The following CENPP variants were observed in gnomAD, a reference collection of about 807,000 sequenced individuals.
CENPP encodes the protein centromere protein P.
CENPP carries 24 observed loss-of-function variants against 35.6 expected under a neutral mutation model. The ratio of observed to expected loss-of-function variants is 0.67; its 90% confidence interval spans 0.49 to 0.95. The LOEUF (loss-of-function observed/expected upper bound fraction) is 0.95. CENPP is among the 40% of genes least tolerant of loss of function. The pLI, the probability that CENPP is intolerant of heterozygous loss-of-function variation, is 0.00. For synonymous variants in CENPP, 120 were observed against 125.5 expected (o/e 0.96, Z 0.29); for missense variants, 332 against 345.3 (o/e 0.96, Z 0.31).
Position 92,619,875 on chromosome 9 carries a change from G to T in CENPP, c.*6726G>T. The T allele has an allele frequency of 2.6e-6, 1 of 390,974 alleles. No homozygotes were observed. The highest frequency in any genetic ancestry group is 3.4e-5 in the South Asian group (1 of 29,824). 24.2% of individuals were successfully genotyped at this position (390,974 alleles called of 1,614,324 possible). A position where few individuals can be genotyped will look rare whatever the true frequency, so the allele number is the denominator to read the frequency against. Reference sequence around the variant, plus strand: ...TGTCTTCAGCAAGGTCACCACAGTCGGCCTTTGGAAGGAAAAGCAGTAAGC... The same window carrying T: ...TGTCTTCAGCAAGGTCACCACAGTCTGCCTTTGGAAGGAAAAGCAGTAAGC... On this transcript the variant is annotated 3_prime_UTR_variant, in exon 8 of 8. Coordinates refer to ENST00000375587, the MANE Select transcript of CENPP (RefSeq NM_001012267.3).
intron 5 of CENPP, chr9:92,389,620 A>C (rs1423568114): frequency 8.7e-6 from 3 of 343,390 alleles, no homozygotes; most frequent in Middle Eastern, 8.3e-4. Context: ...AAAAAATGAG[A>C]AACAAAATAG....
At chr9:92,534,078 ACT>A (rs778858633) in intron 5 of CENPP, among the ~76,000 whole-genome samples, 6 of 151,822 alleles carry the variant, frequency 4.0e-5, no homozygotes, top group Non-Finnish European at 8.8e-5. Context: ...AGCTCTCTTC[ACT>A]CTGTTTTCTC....
intron 5 of CENPP, among the ~76,000 whole-genome samples, chr9:92,566,351 A>G (rs1849968089): frequency 6.6e-6 from 1 of 152,104 alleles, no homozygotes; most frequent in Middle Eastern, 3.4e-3. Flanking sequence ...ATAAAAATAT[A>G]GCCTTTCAAA....
intron 5 of CENPP, among the ~76,000 whole-genome samples, chr9:92,481,051 TA>T (rs1414414097): frequency 6.6e-6 from 1 of 152,208 alleles, no homozygotes; most frequent in Non-Finnish European, 1.5e-5. Context: ...TGCCCTTCAT[TA>T]ATTTCTCCAC....
chr9:92,411,384 T>C (rs1843440447), intron 5 of CENPP, among the ~76,000 whole-genome samples: 1 of 152,190 alleles, frequency 6.6e-6, no homozygotes, highest in Non-Finnish European at 1.5e-5. Flanking sequence ...AATGTCCACT[T>C]GCTAGGCTCA....
At chr9:92,546,768 T>C (rs1362736433) in intron 5 of CENPP, among the ~76,000 whole-genome samples, 1 of 152,212 alleles carries the variant, frequency 6.6e-6, no homozygotes, top group African/African-American at 2.4e-5. Flanking sequence ...AGTAAATTGA[T>C]ATATTTAGAT....
chr9:92,572,253 T>C (rs1386243477), intron 5 of CENPP, among the ~76,000 whole-genome samples: 2 of 152,192 alleles, frequency 1.3e-5, no homozygotes, highest in Non-Finnish European at 2.9e-5. Context: ...CATTTAGTGC[T>C]TCCTTCAGGA....
chr9:92,518,641 A>T (rs988607634), intron 5 of CENPP, among the ~76,000 whole-genome samples: 1 of 152,186 alleles, frequency 6.6e-6, no homozygotes. Flanking sequence ...TCATGCCTGT[A>T]ATCCCAGCAC....
chr9:92,567,335 C>T (rs1035898816), intron 5 of CENPP, among the ~76,000 whole-genome samples: 5 of 135,722 alleles, frequency 3.7e-5, no homozygotes, highest in Non-Finnish European at 6.5e-5. Flanking sequence ...TTTAAATTGA[C>T]AATTATACAT....
intron 5 of CENPP, among the ~76,000 whole-genome samples, chr9:92,483,924 C>T (rs1034792601): frequency 2.6e-5 from 4 of 152,182 alleles, no homozygotes; most frequent in African/African-American, 4.8e-5. Context: ...TAGGGAATGA[C>T]GGCCCTCCTG....
chr9:92,422,883 A>G (rs1018410123), intron 5 of CENPP, among the ~76,000 whole-genome samples: 3 of 152,174 alleles, frequency 2.0e-5, no homozygotes, highest in African/African-American at 7.2e-5. Context: ...TTCATACTCT[A>G]CAATGTATGC....
chr9:92,435,529 A>G (rs1844226335), intron 5 of CENPP, among the ~76,000 whole-genome samples: 1 of 152,182 alleles, frequency 6.6e-6, no homozygotes, highest in African/African-American at 2.4e-5. Flanking sequence ...TCCCTGCAAG[A>G]GTTTCACATG....
chr9:92,441,413 G>T (rs1431333864), intron 5 of CENPP, among the ~76,000 whole-genome samples: 2 of 152,050 alleles, frequency 1.3e-5, no homozygotes, highest in African/African-American at 4.8e-5. Flanking sequence ...CAAATAAAAT[G>T]TAAGGAAGAA....
At chr9:92,451,684 T>G (rs202202837) in intron 5 of CENPP, among the ~76,000 whole-genome samples, 1 of 151,048 alleles carries the variant, frequency 6.6e-6, no homozygotes, top group Non-Finnish European at 1.5e-5. Context: ...TAAATTACCT[T>G]GGGCAGTATG....
rs537869307 is a variant in CENPP at position 92,607,313 on chromosome 9, A to G, written c.565-4001A>G. Among the ~76,000 whole-genome samples, 101 of 152,312 alleles carry G rather than the reference A, an allele frequency of 6.6e-4. 2 individuals are homozygous for G. The highest frequency in any genetic ancestry group is 3.4e-3 in the Middle Eastern group (1 of 294). On this transcript the variant is annotated intron_variant, in intron 5 of 7. Transcript: ENST00000375587. ...TGTAACCTCACTGATGTCATCTCTCAATAGACCAGAGTGTCTTTCAAAACA... is the reference window on the plus strand; with the variant it reads ...TGTAACCTCACTGATGTCATCTCTCGATAGACCAGAGTGTCTTTCAAAACA...
chr9:92,501,280 T>C (rs1846656897), intron 5 of CENPP, among the ~76,000 whole-genome samples: 1 of 152,104 alleles, frequency 6.6e-6, no homozygotes, highest in Non-Finnish European at 1.5e-5. Flanking sequence ...TGTGAGTCCA[T>C]GCGAGAGGAG....
intron 5 of CENPP, among the ~76,000 whole-genome samples, chr9:92,411,903 C>G (rs1454339548): frequency 6.6e-6 from 1 of 152,140 alleles, no homozygotes; most frequent in Non-Finnish European, 1.5e-5. Flanking sequence ...GTTATGGTAT[C>G]TGTGCTTATA....
At chr9:92,376,773 GC>G (rs369244619) in intron 4 of CENPP, among the ~76,000 whole-genome samples, 32 of 152,180 alleles carry the variant, frequency 2.1e-4, no homozygotes, top group African/African-American at 7.7e-4. Flanking sequence ...AGGTGCAGTG[GC>G]TCACGCCTGT....
chr9:92,406,645 A>T (rs978298994), intron 5 of CENPP, among the ~76,000 whole-genome samples: 3 of 152,190 alleles, frequency 2.0e-5, no homozygotes, highest in Admixed American at 6.5e-5. Context: ...CTGGCACTGC[A>T]GCCTCACTTC....
Sources: gnomAD v4.1 joint callset for allele counts (sites outside exome capture counted in the v4.1 genomes callset) on GRCh38, gnomAD v4.1.1 for gene constraint, MANE v1.5 for transcripts, NCBI Gene and HGNC (gene_info 2026-07-23, HGNC 2026-07-21) for gene names.